ZNF445: variants seen among roughly 807,000 people sequenced by gnomAD.
ZNF445 encodes zinc finger protein 445.
ZNF445 carries 19 observed loss-of-function variants against 93.9 expected under a neutral mutation model. That is an observed-to-expected ratio of 0.20 (90% CI 0.14 to 0.30). ZNF445 has a LOEUF of 0.30. ZNF445 is among the 10% of genes least tolerant of loss of function. ZNF445 has a pLI of 1.00. For synonymous variants in ZNF445, 449 were observed against 446.3 expected (o/e 1.01, Z -0.08); for missense variants, 1,058 against 1,259.4 (o/e 0.84, Z 2.42).
At chr3:44,449,313 T>G (rs1299921928) in intron 7 of ZNF445, among the ~76,000 whole-genome samples, 200 bp downstream of exon 7, 1 of 150,994 alleles carries the variant, frequency 6.6e-6, no homozygotes, top group Non-Finnish European at 1.5e-5. Context: ...GACAGGAGAA[T>G]AGACATGGCC....
chr3:44,450,906 G>C lies in ZNF445; in HGVS notation c.655C>G (p.Gln219Glu). 1 of 1,597,320 alleles carries C rather than the reference G, an allele frequency of 6.3e-7. No individual in the cohort carries two copies. The highest frequency in any genetic ancestry group is 1.1e-5 in the South Asian group (1 of 87,996). The change falls in exon 5 of 8, where the codon CAG becomes GAG. Residue 219 changes from glutamine (Q) to glutamate (E), a missense_variant. Physicochemically the swap from Gln to Glu is conservative, Grantham distance 29. Around this residue, in one of 3 missense-constraint regions of ZNF445, gnomAD observed 657 missense variants for 746.4 expected, o/e 0.88. Transcript: ENST00000396077. ...LFPREGCPGDQVTPTRSLTAQ... is the reference protein window; with the variant it reads ...LFPREGCPGDEVTPTRSLTAQ... ...GTCAGGGACCTGGTTGGTGTTACCT[G>C]GTCTCCCGGGCACCCCTCTCTCGGG... is the stretch of plus-strand genomic sequence containing the variant.
intron 1 of ZNF445, among the ~76,000 whole-genome samples, chr3:44,475,995 G>A (rs1471615454): frequency 8.6e-5 from 13 of 151,854 alleles, no homozygotes; most frequent in African/African-American, 2.7e-4. Flanking sequence ...GTGAAACTCC[G>A]TCTCAAAAAT....
chr3:44,462,193 T>A (rs1183489488), intron 1 of ZNF445, among the ~76,000 whole-genome samples: 2 of 152,212 alleles, frequency 1.3e-5, no homozygotes, highest in Admixed American at 6.5e-5. Context: ...TAAGTCCACT[T>A]TTCAAGCCAG....
Position 44,436,555 on chromosome 3 carries a change from C to G in ZNF445, c.*10020G>C, listed in dbSNP as rs1201810841. 1.3e-5 allele frequency: 2 copies of G among 152,178 alleles called. No individual in the cohort carries two copies. Among genetic ancestry groups the G allele is most frequent in the African/African-American group, 2.4e-5 (1 of 41,434 alleles). 9.4% of individuals were successfully genotyped at this position (152,178 alleles called of 1,614,324 possible). A position where few individuals can be genotyped will look rare whatever the true frequency, so the allele number is the denominator to read the frequency against. ...ATGATAAATACTCAAGCATTTTTAT[C>G]TCCTTAAGCATTTACATATCTTCCT... is the stretch of plus-strand genomic sequence containing the variant. On this transcript the variant is annotated 3_prime_UTR_variant, in exon 8 of 8. Coordinates refer to ENST00000396077, the MANE Select transcript of ZNF445 (RefSeq NM_181489.6).
intron 4 of ZNF445, 44 bp from the exon 5 acceptor site, chr3:44,451,006 G>T: frequency 6.8e-7 from 1 of 1,462,752 alleles, no homozygotes; most frequent in Non-Finnish European, 9.1e-7. Context: ...GCTCTGGACA[G>T]CCCAGTGAGA....
At position 44,455,605 on chromosome 3, in the gene ZNF445, G is replaced by C. The variant is rs992528593; in HGVS notation, c.-56C>G. 4 of 1,493,956 alleles carry C rather than the reference G, an allele frequency of 2.7e-6. No individual in the cohort carries two copies. Among genetic ancestry groups the C allele is most frequent in the Admixed American group, 2.3e-5 (1 of 43,782 alleles). The allele number at this position is 1,493,956 out of a possible 1,614,324, so 92.5% of individuals were successfully genotyped here. A position where few individuals can be genotyped will look rare whatever the true frequency, so the allele number is the denominator to read the frequency against. On this transcript the variant is annotated 5_prime_UTR_variant, in exon 3 of 8. Transcript: ENST00000396077. ...GCGAACCAAGTCCACCTTAGACGTG[G>C]GTCCTCAGAAGTATCTTCTCAGCAG...
Position 44,449,571 on chromosome 3 carries a change from T to A in ZNF445, c.873A>T (p.Pro291=). 1 of 1,614,166 alleles carries A rather than the reference T, an allele frequency of 6.2e-7. No homozygotes were observed. Among genetic ancestry groups the A allele is most frequent in the Non-Finnish European group, 8.5e-7 (1 of 1,180,020 alleles). ...GAGCTGCCTGCATGTTCAGGCCCCA[T>A]GGCTCCCTTGCTTCCAACCAGGAGA... is the stretch of plus-strand genomic sequence containing the variant. The part of the protein sequence containing the change: ...ALISWLEARE[P]WGLNMQAAQP... Residue 291 remains proline (P), a synonymous_variant, in exon 7 of 8, where the codon CCA becomes CCT. Coordinates refer to ENST00000396077, the MANE Select transcript of ZNF445 (RefSeq NM_181489.6).
intron 1 of ZNF445, among the ~76,000 whole-genome samples, chr3:44,463,386 T>C (rs1236670625): frequency 6.6e-6 from 1 of 152,068 alleles, no homozygotes; most frequent in African/African-American, 2.4e-5. Context: ...TAACTTCTGG[T>C]AGCCTGGGAC....
chr3:44,436,186 A>G lies in ZNF445; in HGVS notation c.*10389T>C, dbSNP rs1317827152. On this transcript the variant is annotated 3_prime_UTR_variant, in exon 8 of 8. Coordinates refer to ENST00000396077, the MANE Select transcript of ZNF445 (RefSeq NM_181489.6). ...TATTCACCAGATCTGGAGCTTTCCT[A>G]CTTACTCGGATCAAGTAAAACTTTA... 6.6e-6 allele frequency: 1 copy of G among 152,210 alleles called. No individual in the cohort carries two copies. Among genetic ancestry groups the G allele is most frequent in the Non-Finnish European group, 1.5e-5 (1 of 68,042 alleles). The allele number at this position is 152,210 out of a possible 1,614,324, so 9.4% of individuals were successfully genotyped here.
At position 44,455,348 on chromosome 3, in the gene ZNF445, C is replaced by T. The variant is rs762669932; in HGVS notation, c.202G>A (p.Gly68Arg). ...AGCCGGCTCAGAGTTTCTAGGGGCCCTGAAGACTCATGGTAGCGAAGCTGT... is the reference window on the plus strand; with the variant it reads ...AGCCGGCTCAGAGTTTCTAGGGGCCTTGAAGACTCATGGTAGCGAAGCTGT... ...FRQLRYHESS[G>R]PLETLSRLRE... The change falls in exon 3 of 8, where the codon GGG (glycine) becomes AGG (arginine). Residue 68 changes from glycine (G) to arginine (R), a missense_variant. Around this residue, in one of 3 missense-constraint regions of ZNF445, gnomAD observed 657 missense variants for 746.4 expected, o/e 0.88. Transcript: ENST00000396077. The T allele has an allele frequency of 3.7e-6, 6 of 1,614,052 alleles. No individual in the cohort carries two copies. In the African/African-American group the frequency reaches 5.3e-5, roughly 14 times the overall value.
rs1368896180 is a variant in ZNF445 at position 44,447,759 on chromosome 3, A to C, written c.1912T>G (p.Ser638Ala). 6.2e-7 allele frequency: 1 copy of C among 1,614,108 alleles called. No individual in the cohort carries two copies. Among genetic ancestry groups the C allele is most frequent in the African/African-American group, 1.3e-5 (1 of 75,014 alleles). Reference sequence around the variant, plus strand: ...AACCTCATATGACGAGTAAAGTTTGATCTCCATCTAAAGGTTTTCCTACAT... The same window carrying C: ...AACCTCATATGACGAGTAAAGTTTGCTCTCCATCTAAAGGTTTTCCTACAT... ...TKCRKTFRWRSNFTRHMRLHE... is the reference protein window; with the variant it reads ...TKCRKTFRWRANFTRHMRLHE... Residue 638 changes from serine to alanine, a missense_variant, in exon 8 of 8, where the codon TCA becomes GCA. Physicochemically the swap from Ser to Ala is moderately conservative, Grantham distance 99. Coordinates refer to ENST00000396077, the MANE Select transcript of ZNF445 (RefSeq NM_181489.6). This position sits in a 1 kb window ranked among gnomAD's most constrained non-coding sequence, Gnocchi z 4.7.
chr3:44,461,967 G>A (rs6441843), intron 1 of ZNF445, among the ~76,000 whole-genome samples: 109,138 of 151,958 alleles, frequency 0.72, 39,759 homozygotes, highest in East Asian at 1. Context: ...CCGGCAAAAA[G>A]GGGTAAGAAA....
intron 1 of ZNF445, among the ~76,000 whole-genome samples, chr3:44,475,408 C>A (rs1426931658): frequency 6.6e-6 from 1 of 151,914 alleles, no homozygotes. Context: ...CCATGCTGGC[C>A]AGGCTGGTCT....
intron 1 of ZNF445, among the ~76,000 whole-genome samples, chr3:44,463,432 G>A (rs1259158375): frequency 1.3e-4 from 20 of 152,210 alleles, no homozygotes; most frequent in Middle Eastern, 3.4e-3. Flanking sequence ...CACAGACCCC[G>A]TTTTGGGGGA....
chr3:44,440,747 C>A lies in ZNF445; in HGVS notation c.*5828G>T, dbSNP rs998744096. On this transcript the variant is annotated 3_prime_UTR_variant, in exon 8 of 8. Transcript: ENST00000396077. ...AATGGCTACTCCATAGGAAGAGTAG[C>A]CCCAAGGGCTGCTGGTTGCCTATTT... The A allele has an allele frequency of 6.6e-6, 1 of 152,024 alleles. No homozygotes were observed. Among genetic ancestry groups the A allele is most frequent in the Non-Finnish European group, 1.5e-5 (1 of 68,024 alleles). 9.4% of individuals were successfully genotyped at this position (152,024 alleles called of 1,614,324 possible).
At chr3:44,450,798 G>C in intron 5 of ZNF445, 70 bp downstream of exon 5, 5 of 1,372,864 alleles carry the variant, frequency 3.6e-6, no homozygotes, top group Non-Finnish European at 4.9e-6. Flanking sequence ...ACCCAGGATG[G>C]GGAAGCTGCA....
intron 1 of ZNF445, among the ~76,000 whole-genome samples, chr3:44,466,228 ATGG>A (rs1300348056): frequency 1.3e-5 from 2 of 152,170 alleles, no homozygotes; most frequent in African/African-American, 4.8e-5. Context: ...AGAATGATTT[ATGG>A]TGACCTGGGA....
chr3:44,446,343 GC>G lies in ZNF445; in HGVS notation c.*231del, dbSNP rs1697876980. On this transcript the variant is annotated 3_prime_UTR_variant, in exon 8 of 8. Coordinates refer to ENST00000396077, the MANE Select transcript of ZNF445 (RefSeq NM_181489.6). The surrounding 1 kb of genome is among the most constrained non-coding windows in gnomAD (Gnocchi z 4.2). ...TATGGTGCAGAGGCCACTCCTAGGG[GC>G]CGGAGTCTCCAGAAGGGCTCCAAAG... The G allele has an allele frequency of 5.3e-6, 3 of 568,200 alleles. No homozygotes were observed. Among genetic ancestry groups the G allele is most frequent in the Admixed American group, 6.5e-5 (2 of 30,906 alleles). The allele number at this position is 568,200 out of a possible 1,614,324, so 35.2% of individuals were successfully genotyped here. A position where few individuals can be genotyped will look rare whatever the true frequency, so the allele number is the denominator to read the frequency against.
At chr3:44,472,590 G>T (rs1363966417) in intron 1 of ZNF445, among the ~76,000 whole-genome samples, 2 of 152,218 alleles carry the variant, frequency 1.3e-5, no homozygotes, top group East Asian at 3.8e-4. Flanking sequence ...GAGGATTCCA[G>T]TCCTTGAGTC....
Sources: allele counts gnomAD v4.1 joint callset (sites outside exome capture counted in the v4.1 genomes callset), GRCh38; gene constraint gnomAD v4.1.1; regional missense constraint gnomAD v4.1.1; non-coding constraint Gnocchi (gnomAD v3.1); transcripts MANE v1.5; gene names NCBI Gene and HGNC (gene_info 2026-07-23, HGNC 2026-07-21).